FRMD6: variants seen among roughly 807,000 people sequenced by gnomAD.
FRMD6 encodes FERM domain-containing protein 6.
A neutral mutation model predicts 73.2 loss-of-function variants in FRMD6; 37 were observed. The ratio of observed to expected loss-of-function variants is 0.51; its 90% confidence interval spans 0.39 to 0.66. The LOEUF (loss-of-function observed/expected upper bound fraction) is 0.66, where lower values mean the gene tolerates loss of function less well. Among genes scored for constraint, FRMD6 ranks in the 30% least tolerant of loss-of-function variants. The probability of loss-of-function intolerance (pLI) is 0.00; values close to 1 mark genes in which losing one functional copy is unlikely to be tolerated. For missense variants in FRMD6, 714 were observed against 780.5 expected (o/e 0.91, Z 1.02); for synonymous variants, 273 against 282.2 (o/e 0.97, Z 0.33).
At chr14:51,536,089 T>TAGAG (rs1194616179) in intron 1 of FRMD6, among the ~76,000 whole-genome samples, 38 of 143,016 alleles carry the variant, frequency 2.7e-4, no homozygotes, top group African/African-American at 9.2e-4. Context: ...TATATATATA[T>TAGAG]ATATATATAG....
intron 2 of FRMD6, among the ~76,000 whole-genome samples, chr14:51,610,341 A>ATT (rs1566501245): frequency 4.0e-4 from 60 of 148,200 alleles, no homozygotes; most frequent in African/African-American, 9.1e-4. Flanking sequence ...TTTTTTTTAA[A>ATT]AAAAAAAAAA....
At chr14:51,466,458 AT>A in the FRMD6 span, among the ~76,000 whole-genome samples, 1 of 152,144 alleles carries the variant, frequency 6.6e-6, no homozygotes, top group East Asian at 1.9e-4. Context: ...ATTGATATTC[AT>A]TTTTTCTATA....
chr14:51,587,210 A>G (rs532674874), intron 2 of FRMD6, among the ~76,000 whole-genome samples: 4 of 152,324 alleles, frequency 2.6e-5, no homozygotes, highest in African/African-American at 7.2e-5. Flanking sequence ...GTTGTTAGGT[A>G]TGTGGCTTTA....
the FRMD6 span, chr14:51,454,778 G>A: frequency 6.6e-6 from 1 of 151,882 alleles, no homozygotes; most frequent in African/African-American, 2.4e-5. Context: ...GAAGGGTCTT[G>A]GAATGATGTG....
intron 1 of FRMD6, among the ~76,000 whole-genome samples, chr14:51,664,937 T>G (rs930942666): frequency 6.6e-6 from 1 of 152,206 alleles, no homozygotes; most frequent in Non-Finnish European, 1.5e-5. Context: ...TTTTACATTG[T>G]AGATACTGGA....
chr14:51,590,422 T>G (rs1889326665), intron 2 of FRMD6, among the ~76,000 whole-genome samples: 1 of 152,208 alleles, frequency 6.6e-6, no homozygotes, highest in Admixed American at 6.5e-5. Flanking sequence ...ATTTTTTTTT[T>G]TACAAGTGTT....
At chr14:51,635,713 T>C (rs1196359245) in intron 2 of FRMD6, among the ~76,000 whole-genome samples, 3 of 152,150 alleles carry the variant, frequency 2.0e-5, no homozygotes, top group Non-Finnish European at 4.4e-5. Context: ...CCTCATATTT[T>C]TAAAAGTGAT....
intron 1 of FRMD6, among the ~76,000 whole-genome samples, chr14:51,550,827 C>T (rs1435000645): frequency 1.3e-5 from 2 of 152,206 alleles, no homozygotes. Flanking sequence ...CCTTGCCTCT[C>T]TGAGCCTGTT....
At chr14:51,554,821 A>G (rs1887037545) in intron 1 of FRMD6, 1 of 152,234 alleles carries the variant, frequency 6.6e-6, no homozygotes, top group Non-Finnish European at 1.5e-5. Flanking sequence ...AACTAAAGAA[A>G]TGGGAACAAA....
chr14:51,606,445 G>A (rs1476102442), intron 2 of FRMD6, among the ~76,000 whole-genome samples: 3 of 152,116 alleles, frequency 2.0e-5, no homozygotes, highest in Non-Finnish European at 4.4e-5. Context: ...CACTCTGCAG[G>A]CCTTTTCCAA....
intron 2 of FRMD6, among the ~76,000 whole-genome samples, chr14:51,595,891 A>C (rs2139767407): frequency 6.6e-6 from 1 of 152,366 alleles, no homozygotes; most frequent in East Asian, 1.9e-4. Context: ...TAAACAGAAT[A>C]TAAGTTTCAC....
intron 2 of FRMD6, among the ~76,000 whole-genome samples, chr14:51,571,993 C>CCACTACTATGTTT (rs1487734250): frequency 1.3e-5 from 2 of 152,244 alleles, no homozygotes; most frequent in Non-Finnish European, 2.9e-5. Flanking sequence ...AGCAGCAACA[C>CCACTACTATGTTT]CACTACTATG....
At chr14:51,524,958 C>T (rs1049601542) in intron 1 of FRMD6, among the ~76,000 whole-genome samples, 2 of 56,478 alleles carry the variant, frequency 3.5e-5, no homozygotes, top group African/African-American at 1.5e-4. Context: ...ATTTTTACTT[C>T]TTTTTCTTTT....
In FRMD6 at chr14:51,715,517, G is replaced by T. The variant is rs1374784607; in HGVS notation, c.1024+18G>T. The T allele has an allele frequency of 3.2e-6, 5 of 1,574,408 alleles. No homozygotes were observed. Among genetic ancestry groups the T allele is most frequent in the Non-Finnish European group, 4.3e-6 (5 of 1,157,756 alleles). On this transcript the variant is annotated intron_variant, in intron 10 of 13. Transcript: ENST00000344768. ...AAACGAAGGTATTGCAGGGTCTGGG[G>T]TGTGGAAGCAAATTGTACCTTTGCC...
At chr14:51,522,667 C>CT (rs1325714432) in intron 1 of FRMD6, among the ~76,000 whole-genome samples, 1 of 152,026 alleles carries the variant, frequency 6.6e-6, no homozygotes, top group Non-Finnish European at 1.5e-5. Context: ...ACAAGTGTCC[C>CT]TTTTTGGGAA....
intron 2 of FRMD6, among the ~76,000 whole-genome samples, chr14:51,602,463 A>C (rs565662006): frequency 6.6e-6 from 1 of 152,260 alleles, no homozygotes; most frequent in South Asian, 2.1e-4. Flanking sequence ...TTTCTAAATG[A>C]TTAGAAAATA....
chr14:51,723,802 G>T (rs1239465570), intron 12 of FRMD6, among the ~76,000 whole-genome samples: 2 of 151,306 alleles, frequency 1.3e-5, no homozygotes, highest in Non-Finnish European at 2.9e-5. Flanking sequence ...AGAACAAGTG[G>T]TTAAATTATA....
intron 2 of FRMD6, among the ~76,000 whole-genome samples, chr14:51,591,475 T>C (rs1889391759): frequency 6.6e-6 from 1 of 152,238 alleles, no homozygotes; most frequent in Non-Finnish European, 1.5e-5. Flanking sequence ...CTATTTCTGA[T>C]AAGTTTTTTA....
At chr14:51,567,936 T>A (rs1887867354) in intron 1 of FRMD6, among the ~76,000 whole-genome samples, 1 of 152,228 alleles carries the variant, frequency 6.6e-6, no homozygotes, top group Non-Finnish European at 1.5e-5. Context: ...AAGAAAATAG[T>A]CTTTGCTGAC....
Sources: allele counts gnomAD v4.1 joint callset (sites outside exome capture counted in the v4.1 genomes callset), GRCh38; gene constraint gnomAD v4.1.1; transcripts MANE v1.5; gene names NCBI Gene and HGNC (gene_info 2026-07-23, HGNC 2026-07-21).